EMSY: variants seen among roughly 807,000 people sequenced by gnomAD.
The protein encoded by EMSY is BRCA2-interacting transcriptional repressor EMSY.
In EMSY, 26 loss-of-function variants were observed where a neutral mutation model predicts 134.6. That is an observed-to-expected ratio of 0.19 (90% confidence interval 0.14 to 0.27). The LOEUF is 0.27. Among genes scored for constraint, EMSY ranks in the 10% least tolerant of loss-of-function variants. The probability of loss-of-function intolerance (pLI) is 1.00; values close to 1 mark genes in which losing one functional copy is unlikely to be tolerated. For synonymous variants in EMSY, 579 were observed against 577.8 expected (o/e 1.00, Z -0.03); for missense variants, 1,305 against 1,611.4 (o/e 0.81, Z 3.26).
At chr11:76,523,554 C>T (rs891610602) in intron 12 of EMSY, among the ~76,000 whole-genome samples, 3 of 152,110 alleles carry the variant, frequency 2.0e-5, no homozygotes, top group Admixed American at 6.5e-5. Context: ...ATAGAGAATT[C>T]CATTGGCTTA....
At chr11:76,508,151 A>G (rs1419180190) in intron 9 of EMSY, among the ~76,000 whole-genome samples, 1 of 152,146 alleles carries the variant, frequency 6.6e-6, no homozygotes, top group Admixed American at 6.5e-5. Context: ...GACTGCAGGC[A>G]TGAGCCACCA....
At chr11:76,451,914 A>G (rs1194091079) in exon 3 of EMSY, 2 of 1,594,280 alleles carry the variant, frequency 1.3e-6, no homozygotes, top group African/African-American at 2.7e-5. Flanking sequence ...GGATCTCACC[A>G]AGGAAAAGAA....
At chr11:76,471,569 T>C (rs545261981) in intron 7 of EMSY, among the ~76,000 whole-genome samples, 391 of 152,280 alleles carry the variant, frequency 2.6e-3, no homozygotes, top group African/African-American at 9.1e-3. Flanking sequence ...GACTTTCCTT[T>C]TTTTTGATGA....
At chr11:76,499,493 TA>T (rs1949778590) in intron 9 of EMSY, among the ~76,000 whole-genome samples, 1 of 151,580 alleles carries the variant, frequency 6.6e-6, no homozygotes, top group Non-Finnish European at 1.5e-5. Context: ...TTCACCGTGT[TA>T]TCCAGGATGG....
downstream of EMSY, chr11:76,552,156 G>A (rs1565377264): frequency 6.6e-6 from 1 of 152,144 alleles, no homozygotes; most frequent in Non-Finnish European, 1.5e-5. Flanking sequence ...AATAGAGCAT[G>A]CATTCATTTA....
chr11:76,546,742 GT>G (rs2136851362), intron 20 of EMSY, among the ~76,000 whole-genome samples: 1 of 152,268 alleles, frequency 6.6e-6, no homozygotes, highest in South Asian at 2.1e-4. Context: ...TGGAAAAACA[GT>G]TCTTGTTCTT....
At chr11:76,540,691 A>G (rs1397733907) in intron 17 of EMSY, among the ~76,000 whole-genome samples, 1 of 152,198 alleles carries the variant, frequency 6.6e-6, no homozygotes, top group East Asian at 1.9e-4. Flanking sequence ...ATTGATTTCC[A>G]TAGTGATCAT....
chr11:76,495,064 T>C (rs1949596101), intron 8 of EMSY, among the ~76,000 whole-genome samples: 1 of 152,132 alleles, frequency 6.6e-6, no homozygotes, highest in Non-Finnish European at 1.5e-5. Context: ...CCTCAGTCTG[T>C]GATTGATCTT....
intron 9 of EMSY, 114 bp from the exon 11 acceptor site, chr11:76,513,272 C>G (rs752807669): frequency 1.1e-6 from 1 of 914,248 alleles, no homozygotes; most frequent in Admixed American, 3.6e-5. Flanking sequence ...TTAAAAAAAA[C>G]TTCTCTTTAG....
At chr11:76,524,505 T>C (rs1227127243) in intron 12 of EMSY, among the ~76,000 whole-genome samples, 1 of 152,202 alleles carries the variant, frequency 6.6e-6, no homozygotes, top group African/African-American at 2.4e-5. Context: ...TGAATTTACA[T>C]AGTAAGCCAA....
intron 13 of EMSY, 129 bp downstream of exon 14, chr11:76,526,764 ATGTGTTAATTATTCAAGTAT>A: frequency 1.1e-6 from 1 of 912,582 alleles, no homozygotes; most frequent in South Asian, 1.9e-5. Flanking sequence ...TTATGTTTGA[ATGTGTTAATTATTCAAGTAT>A]TGTCAAAACT....
At chr11:76,490,755 C>T (rs548879324) in intron 8 of EMSY, among the ~76,000 whole-genome samples, 4 of 151,976 alleles carry the variant, frequency 2.6e-5, no homozygotes, top group Non-Finnish European at 4.4e-5. Context: ...CCTATTCCAG[C>T]CTTGGAATCA....
At chr11:76,449,650 C>A (rs1947570880) in intron 2 of EMSY, among the ~76,000 whole-genome samples, 1 of 152,160 alleles carries the variant, frequency 6.6e-6, no homozygotes, top group Non-Finnish European at 1.5e-5. Flanking sequence ...TTCCCACAAT[C>A]AATCAATTAC....
intron 6 of EMSY, 104 bp downstream of exon 7, chr11:76,460,189 G>A (rs1047376512): frequency 3.8e-6 from 5 of 1,299,218 alleles, no homozygotes; most frequent in South Asian, 1.4e-5. Context: ...TCCACTAGCT[G>A]TTAGTAGGTT....
intron 9 of EMSY, among the ~76,000 whole-genome samples, chr11:76,511,663 G>A (rs192602194): frequency 6.6e-6 from 1 of 152,100 alleles, no homozygotes; most frequent in African/African-American, 2.4e-5. Context: ...TTGCACCACT[G>A]TACTCCAGCC....
chr11:76,466,523 T>A (rs909361140), intron 7 of EMSY, among the ~76,000 whole-genome samples: 1 of 152,208 alleles, frequency 6.6e-6, no homozygotes, highest in African/African-American at 2.4e-5. Context: ...AGAGGGATTT[T>A]GGGGAAGGAC....
rs1417608707 is a variant in EMSY, at chr11:76,549,831, G to A, written c.3775-121G>A. On this transcript the variant is annotated intron_variant, in intron 20 of 20. Coordinates refer to ENST00000334736, the Ensembl canonical transcript of EMSY. ...CACCTTGCACAGTGCCTGGCATGTA[G>A]TAGTTGTCCAGTTGTCCAAAAAATG... 5.0e-6 allele frequency: 4 copies of A among 804,660 alleles called. No homozygotes were observed. The East Asian group carries it at 1.0e-4, about 21-fold the overall frequency. The allele number at this position is 804,660 out of a possible 1,614,324, so 49.8% of individuals were successfully genotyped here. A position where few individuals can be genotyped will look rare whatever the true frequency, so the allele number is the denominator to read the frequency against.
intron 8 of EMSY, among the ~76,000 whole-genome samples, chr11:76,485,061 T>G (rs986589069): frequency 6.6e-5 from 10 of 151,900 alleles, no homozygotes; most frequent in African/African-American, 2.2e-4. Flanking sequence ...TAATTAATAG[T>G]CTACCAACAA....
In EMSY at chr11:76,521,108, G is replaced by A. The variant is rs369025557; in HGVS notation, c.1685-2047G>A. On this transcript the variant is annotated intron_variant, in intron 11 of 20. Coordinates refer to ENST00000334736, the Ensembl canonical transcript of EMSY. ...ATTAAGGTCTGACAAAGCCTGGAAAGCTAGGCAGAGGAGTTTGGGCTTTGT... is the reference window on the plus strand; with the variant it reads ...ATTAAGGTCTGACAAAGCCTGGAAAACTAGGCAGAGGAGTTTGGGCTTTGT... Among the ~76,000 whole-genome samples, 5 of 152,334 alleles carry A rather than the reference G, an allele frequency of 3.3e-5. No homozygotes were observed. The East Asian group carries it at 5.8e-4, about 18-fold the overall frequency.
Sources: allele counts gnomAD v4.1 joint callset (sites outside exome capture counted in the v4.1 genomes callset), GRCh38; gene constraint gnomAD v4.1.1; transcripts MANE v1.5; gene names NCBI Gene and HGNC (gene_info 2026-07-23, HGNC 2026-07-21).